Variants in PCNX2 observed in about 807,000 individuals in gnomAD.
PCNX2 encodes pecanex-like protein 2.
PCNX2 carries 168 observed loss-of-function variants against 223.8 expected under a neutral mutation model. That is an observed-to-expected ratio of 0.75 (90% CI 0.66 to 0.85). The LOEUF is 0.85. PCNX2 is among the 40% of genes least tolerant of loss of function. PCNX2 has a pLI of 0.00. For missense variants in PCNX2, 2,507 were observed against 2,675.5 expected (o/e 0.94, Z 1.39); for synonymous variants, 1,006 against 1,052.6 (o/e 0.96, Z 0.86).
At chr1:233,012,886 A>C (rs1045741498) in intron 28 of PCNX2, among the ~76,000 whole-genome samples, 2 of 152,220 alleles carry the variant, frequency 1.3e-5, no homozygotes, top group Non-Finnish European at 2.9e-5. Context: ...TGCTACGAAT[A>C]TCTCAAGAGT....
intron 25 of PCNX2, among the ~76,000 whole-genome samples, chr1:233,053,652 C>T (rs568555041): frequency 1.3e-4 from 20 of 152,282 alleles, no homozygotes; most frequent in African/African-American, 4.6e-4. Context: ...GAGAAGGCAA[C>T]AGGTACATCA....
At chr1:233,272,402 T>A (rs953754422) in intron 1 of PCNX2, among the ~76,000 whole-genome samples, 4 of 151,520 alleles carry the variant, frequency 2.6e-5, no homozygotes, top group African/African-American at 9.7e-5. Flanking sequence ...ATGCTCAACA[T>A]CGCTAATGAT....
intron 15 of PCNX2, among the ~76,000 whole-genome samples, chr1:233,195,378 T>C (rs1050387589): frequency 2.0e-5 from 3 of 152,176 alleles, no homozygotes; most frequent in African/African-American, 7.2e-5. Context: ...GGTGAAAGAC[T>C]TTTCCCCTAA....
chr1:233,215,061 C>T (rs756203166), intron 12 of PCNX2, among the ~76,000 whole-genome samples: 3 of 152,110 alleles, frequency 2.0e-5, no homozygotes, highest in Non-Finnish European at 4.4e-5. Context: ...ATAGTGCCGT[C>T]TGAAAAGCAG....
rs371041797 is a variant in PCNX2 at position 232,984,342 on chromosome 1, C to T, written c.6376G>A (p.Asp2126Asn). The T allele has an allele frequency of 1.6e-5, 26 of 1,611,570 alleles. No homozygotes were observed. Among genetic ancestry groups the T allele is most frequent in the African/African-American group, 8.0e-5 (6 of 74,750 alleles). The part of the protein sequence containing the change: ...RASQEDMGLD[D>N]TASQQSVSDE... ...GACACACTTTGCTGCGAGGCCGTGT[C>T]GTCCAGGCCCATGTCCTCCTGGCTT... Residue 2126 changes from aspartate to asparagine, a missense_variant, in exon 34 of 34, where the codon GAC becomes AAC. Physicochemically the swap from Asp to Asn is conservative, Grantham distance 23 (BLOSUM62 1). Around this residue, in one of 3 missense-constraint regions of PCNX2, gnomAD observed 1,372 missense variants for 1,509.4 expected, o/e 0.91. Coordinates refer to ENST00000258229, the MANE Select transcript of PCNX2 (RefSeq NM_014801.4).
chr1:233,190,554 G>GT (rs997845897), intron 15 of PCNX2, among the ~76,000 whole-genome samples: 2 of 152,042 alleles, frequency 1.3e-5, no homozygotes, highest in East Asian at 1.9e-4. Flanking sequence ...TTTGTTTTTG[G>GT]TTTTTTTACT....
intron 19 of PCNX2, among the ~76,000 whole-genome samples, chr1:233,141,692 T>C (rs189041329): frequency 3.2e-5 from 4 of 126,626 alleles, no homozygotes; most frequent in African/African-American, 1.4e-4. Flanking sequence ...AAAAAATATA[T>C]ATATATGTGT....
At chr1:233,068,270 G>A (rs1461857991) in intron 23 of PCNX2, among the ~76,000 whole-genome samples, 3 of 151,730 alleles carry the variant, frequency 2.0e-5, no homozygotes, top group Non-Finnish European at 4.4e-5. Flanking sequence ...CTCAAAGGAA[G>A]AAAAACTAAC....
chr1:233,061,916 G>A (rs907230948), intron 23 of PCNX2, among the ~76,000 whole-genome samples: 3 of 151,822 alleles, frequency 2.0e-5, no homozygotes, highest in Non-Finnish European at 4.4e-5. Flanking sequence ...GCACCACTAC[G>A]CCCAGCTAAT....
chr1:233,024,777 G>A (rs1411062569), intron 26 of PCNX2, among the ~76,000 whole-genome samples: 1 of 152,190 alleles, frequency 6.6e-6, no homozygotes, highest in Non-Finnish European at 1.5e-5. Context: ...TGGACACTGT[G>A]CAGAGCATCT....
intron 21 of PCNX2, among the ~76,000 whole-genome samples, chr1:233,123,848 G>A (rs929975885): frequency 6.6e-6 from 1 of 152,160 alleles, no homozygotes; most frequent in African/African-American, 2.4e-5. Context: ...AATGTATCAT[G>A]GGCATAGTTC....
chr1:233,012,059 G>C (rs192435025), intron 28 of PCNX2, among the ~76,000 whole-genome samples: 176 of 152,264 alleles, frequency 1.2e-3, no homozygotes, highest in Admixed American at 1.5e-3. Flanking sequence ...CACCACAGAA[G>C]TGGTGCTTGC....
chr1:233,165,703 A>G (rs1355336960), intron 17 of PCNX2, among the ~76,000 whole-genome samples: 2 of 152,330 alleles, frequency 1.3e-5, no homozygotes, highest in East Asian at 3.9e-4. Flanking sequence ...AATGAGAGAA[A>G]CTAAACAGAT....
chr1:233,281,901 T>A (rs966091942), intron 1 of PCNX2, among the ~76,000 whole-genome samples: 1 of 152,128 alleles, frequency 6.6e-6, no homozygotes. Flanking sequence ...CAAGGACCAA[T>A]GGGGATTCAA....
rs540944070 is a variant in PCNX2 at position 232,990,049 on chromosome 1, T to C, written c.5792-3509A>G. Reference sequence around the variant, plus strand: ...TGGCCAAGCAGGTCTCTGGCTTCCTTTCTGGGAGCTGTGTGTCTCAACTCG... The same window carrying C: ...TGGCCAAGCAGGTCTCTGGCTTCCTCTCTGGGAGCTGTGTGTCTCAACTCG... On this transcript the variant is annotated intron_variant, in intron 32 of 33. Transcript: ENST00000258229. This position sits in a 1 kb window ranked among gnomAD's most constrained non-coding sequence, Gnocchi z 4.3. 7.9e-5 allele frequency among the ~76,000 whole-genome samples: 12 copies of C among 152,342 alleles called. No homozygotes were observed. The highest frequency in any genetic ancestry group is 2.6e-4 in the African/African-American group (11 of 41,576).
At position 233,261,279 on chromosome 1, in the gene PCNX2, G is replaced by A. The variant is rs902750771; in HGVS notation, c.517+6C>T. On this transcript the variant is annotated splice_donor_region_variant and intron_variant, in intron 4 of 33. Transcript: ENST00000258229. The stretch of plus-strand genomic sequence containing the variant: ...TGTGATAAAATATAAATGATTAACA[G>A]TTTACCTTTGAGATCTTCTACAGTT... 21 of 1,606,516 alleles carry A rather than the reference G, an allele frequency of 1.3e-5. No homozygotes were observed. The highest frequency in any genetic ancestry group is 1.8e-5 in the Non-Finnish European group (21 of 1,173,672).
At chr1:233,110,219 A>T (rs954928260) in intron 21 of PCNX2, among the ~76,000 whole-genome samples, 3 of 152,248 alleles carry the variant, frequency 2.0e-5, no homozygotes, top group African/African-American at 7.2e-5. Context: ...AAAGACATAT[A>T]TTCAAACTGC....
intron 15 of PCNX2, among the ~76,000 whole-genome samples, chr1:233,193,443 C>T (rs1285628559): frequency 2.0e-5 from 3 of 152,092 alleles, no homozygotes; most frequent in South Asian, 2.1e-4. Context: ...GAGAACCACG[C>T]CTAATCATAG....
intron 23 of PCNX2, among the ~76,000 whole-genome samples, chr1:233,078,304 A>G (rs1253888469): frequency 1.3e-5 from 2 of 152,248 alleles, no homozygotes; most frequent in South Asian, 2.1e-4. Flanking sequence ...AGAAATGCTC[A>G]GGATTCTTGG....
Sources: gnomAD v4.1 joint callset for allele counts (sites outside exome capture counted in the v4.1 genomes callset) on GRCh38, gnomAD v4.1.1 for gene constraint, gnomAD v4.1.1 regional missense constraint, Gnocchi (gnomAD v3.1) non-coding constraint, MANE v1.5 for transcripts, NCBI Gene and HGNC (gene_info 2026-07-23, HGNC 2026-07-21) for gene names.